PLEKHA7: variants seen among roughly 807,000 people sequenced by gnomAD.
The protein encoded by PLEKHA7 is pleckstrin homology domain containing A7.
In PLEKHA7, 104 loss-of-function variants were observed where a neutral mutation model predicts 170.0. The observed-to-expected ratio is 0.61, with a 90% CI of 0.52 to 0.72. PLEKHA7 has a LOEUF of 0.72. Ranked by LOEUF, PLEKHA7 falls within the 30% of genes least tolerant of loss-of-function variation. The pLI is 0.00. For synonymous variants in PLEKHA7, 648 were observed against 660.8 expected (o/e 0.98, Z 0.30); for missense variants, 1,615 against 1,671.7 (o/e 0.97, Z 0.59).
At chr11:16,878,789 C>A (rs528434131) in intron 3 of PLEKHA7, among the ~76,000 whole-genome samples, 6 of 152,256 alleles carry the variant, frequency 3.9e-5, no homozygotes, top group Non-Finnish European at 8.8e-5. Flanking sequence ...AACTAGCTAG[C>A]CCTACAGAAA....
In PLEKHA7 at chr11:16,782,883, G is replaced by A. The variant is rs1019194497; in HGVS notation, c.3664C>T (p.Gln1222Ter). 1 of 1,536,158 alleles carries A rather than the reference G, an allele frequency of 6.5e-7. No individual in the cohort carries two copies. Among genetic ancestry groups the A allele is most frequent in the South Asian group, 1.2e-5 (1 of 84,066 alleles). ...TTCTGGTCCTGGCCTGAGGTCGGCTGTAGGTTGCACATGCTGTAGGAGGGT... is the reference window on the plus strand; with the variant it reads ...TTCTGGTCCTGGCCTGAGGTCGGCTATAGGTTGCACATGCTGTAGGAGGGT... ...ILARSSMCNL[Q>*]PTSGQDQNSV... Residue 1222 changes from glutamine to a stop codon, truncating the protein, a stop_gained, in exon 26 of 27, where the codon CAG becomes TAG. Transcript: ENST00000531066. LOFTEE classifies it high-confidence loss of function.
chr11:16,807,644 T>C (rs2134510114), intron 13 of PLEKHA7, among the ~76,000 whole-genome samples: 1 of 152,316 alleles, frequency 6.6e-6, no homozygotes, highest in African/African-American at 2.4e-5. Context: ...GTGCCATGCA[T>C]TCATCTCACC....
chr11:16,932,195 T>C (rs1472776581), intron 3 of PLEKHA7, among the ~76,000 whole-genome samples: 1 of 152,098 alleles, frequency 6.6e-6, no homozygotes, highest in Non-Finnish European at 1.5e-5. Flanking sequence ...TCTGTAGTAT[T>C]ATTATGAAGA....
intron 21 of PLEKHA7, 73 bp downstream of exon 21, chr11:16,790,725 C>T (rs760583092): frequency 1.6e-5 from 24 of 1,457,764 alleles, no homozygotes; most frequent in Admixed American, 3.6e-5. Flanking sequence ...CAGAAGGGTA[C>T]GAGGCACCAG....
At chr11:16,983,309 A>G (rs1352708494) in intron 3 of PLEKHA7, among the ~76,000 whole-genome samples, 2 of 152,216 alleles carry the variant, frequency 1.3e-5, no homozygotes, top group African/African-American at 2.4e-5. Context: ...AAAGTCATTG[A>G]GCAGAAGCAG....
intron 4 of PLEKHA7, among the ~76,000 whole-genome samples, chr11:16,867,868 C>A (rs890345567): frequency 6.6e-6 from 1 of 152,226 alleles, no homozygotes; most frequent in Non-Finnish European, 1.5e-5. Context: ...AATCTTCCCT[C>A]TTCCTCCAGT....
chr11:16,817,401 C>T lies in PLEKHA7; in HGVS notation c.1344-79G>A. 1 of 1,414,674 alleles carries T rather than the reference C, an allele frequency of 7.1e-7. No individual in the cohort carries two copies. Among genetic ancestry groups the T allele is most frequent in the Non-Finnish European group, 9.5e-7 (1 of 1,051,124 alleles). The allele number at this position is 1,414,674 out of a possible 1,614,324, so 87.6% of individuals were successfully genotyped here. A position where few individuals can be genotyped will look rare whatever the true frequency, so the allele number is the denominator to read the frequency against. On this transcript the variant is annotated intron_variant, in intron 10 of 26. Coordinates refer to ENST00000531066, the MANE Select transcript of PLEKHA7 (RefSeq NM_001329630.2). The surrounding 1 kb of genome is among the most constrained non-coding windows in gnomAD (Gnocchi z 4.4). Reference sequence around the variant, plus strand: ...TTTGGGGAACATATCTAAGTAAACCCACAAAGCTGGGCATGTGGGACAGTC... The same window carrying T: ...TTTGGGGAACATATCTAAGTAAACCTACAAAGCTGGGCATGTGGGACAGTC...
rs530456533 is a variant in PLEKHA7, at chr11:16,906,279, G to A, written c.222-35097C>T. On this transcript the variant is annotated intron_variant, in intron 3 of 26. Transcript: ENST00000531066. Reference sequence around the variant, plus strand: ...GGAAGGAAGGAAGGAAGGAAGGAAGGAAAGAAAGAAAATTGGAAAGGCTCC... The same window carrying A: ...GGAAGGAAGGAAGGAAGGAAGGAAGAAAAGAAAGAAAATTGGAAAGGCTCC... Among the ~76,000 whole-genome samples, 88 of 109,426 alleles carry A rather than the reference G, an allele frequency of 8.0e-4. 1 individual carries two copies. Among genetic ancestry groups the A allele is most frequent in the South Asian group, 1.9e-3 (6 of 3,170 alleles). The allele number at this position is 109,426 out of a possible 152,430, so 71.8% of individuals were successfully genotyped here. A position where few individuals can be genotyped will look rare whatever the true frequency, so the allele number is the denominator to read the frequency against.
intron 8 of PLEKHA7, among the ~76,000 whole-genome samples, chr11:16,847,506 G>C (rs1042100737): frequency 6.6e-6 from 1 of 151,812 alleles, no homozygotes; most frequent in Non-Finnish European, 1.5e-5. Flanking sequence ...AATGTGGCTA[G>C]AGATATAAGC....
rs1309085086 is a variant in PLEKHA7, at chr11:16,786,941, G to A, written c.3358-554C>T. On this transcript the variant is annotated intron_variant, in intron 23 of 26. Coordinates refer to ENST00000531066, the MANE Select transcript of PLEKHA7 (RefSeq NM_001329630.2). ...AGCAAAAGCAGCTTGGAGCCAATGAGGCAGAAAAACTGCTGTATGAGACCC... is the reference window on the plus strand; with the variant it reads ...AGCAAAAGCAGCTTGGAGCCAATGAAGCAGAAAAACTGCTGTATGAGACCC... 8 of 985,210 alleles carry A rather than the reference G, an allele frequency of 8.1e-6. No homozygotes were observed. The Admixed American group carries it at 4.9e-4, about 61-fold the overall frequency. 61.0% of individuals were successfully genotyped at this position (985,210 alleles called of 1,614,324 possible). A position where few individuals can be genotyped will look rare whatever the true frequency, so the allele number is the denominator to read the frequency against.
At chr11:16,787,030 T>C in intron 23 of PLEKHA7, 2 of 985,306 alleles carry the variant, frequency 2.0e-6, no homozygotes, top group Non-Finnish European at 2.4e-6. Context: ...AAAATTGAAA[T>C]GCTAAATCAA....
At chr11:16,917,569 A>G (rs1858781109) in intron 3 of PLEKHA7, among the ~76,000 whole-genome samples, 1 of 152,202 alleles carries the variant, frequency 6.6e-6, no homozygotes, top group Non-Finnish European at 1.5e-5. Flanking sequence ...ACAATGCTCC[A>G]ACCTCTACTA....
intron 3 of PLEKHA7, among the ~76,000 whole-genome samples, chr11:16,939,676 G>A (rs1256185837): frequency 1.3e-5 from 2 of 152,192 alleles, no homozygotes; most frequent in African/African-American, 2.4e-5. Flanking sequence ...CACTCACAAA[G>A]TAAATCATTC....
intron 17 of PLEKHA7, among the ~76,000 whole-genome samples, chr11:16,799,376 T>C (rs1002175649): frequency 8.5e-5 from 13 of 152,106 alleles, no homozygotes; most frequent in Non-Finnish European, 1.8e-4. Context: ...CACCAATAGA[T>C]AGCACTGATG....
rs138754990 is a variant in PLEKHA7, at chr11:16,976,889, A to G, written c.221+37100T>C. Among the ~76,000 whole-genome samples, 910 of 152,306 alleles carry G rather than the reference A, an allele frequency of 6.0e-3. 7 individuals carry two copies. Among genetic ancestry groups the G allele is most frequent in the African/African-American group, 0.019 (810 of 41,550 alleles). On this transcript the variant is annotated intron_variant, in intron 3 of 26. Coordinates refer to ENST00000531066, the MANE Select transcript of PLEKHA7 (RefSeq NM_001329630.2). ...CTAGGCACTCAATAAATAATTGCTG[A>G]ATGGATGCATACACGTATGCTTGCA...
At position 16,805,519 on chromosome 11, in the gene PLEKHA7, C is replaced by T. The variant is rs189470235; in HGVS notation, c.2008-2224G>A. The stretch of plus-strand genomic sequence containing the variant: ...AAAGTGCTGCTTATCTTGCCAGGCA[C>T]GGTGGCTCACACCTGTAATCCCAGC... On this transcript the variant is annotated intron_variant, in intron 13 of 26. Coordinates refer to ENST00000531066, the MANE Select transcript of PLEKHA7 (RefSeq NM_001329630.2). 3.0e-4 allele frequency among the ~76,000 whole-genome samples: 46 copies of T among 152,096 alleles called. 1 individual carries two copies. In the East Asian group the frequency reaches 6.2e-3, roughly 20 times the overall value.
intron 10 of PLEKHA7, among the ~76,000 whole-genome samples, chr11:16,823,373 T>C (rs1590230054): frequency 6.6e-6 from 1 of 152,104 alleles, no homozygotes; most frequent in Non-Finnish European, 1.5e-5. Context: ...TCAAAATCTC[T>C]GGCGTTGGGC....
rs1565210272 is a variant in PLEKHA7, at chr11:17,014,205, C to CG, written c.87-5dup. The stretch of plus-strand genomic sequence containing the variant: ...GGTCGTGCAGCGGAGCTGGTCACTG[C>CG]GGGCAGAGAGGTGCACCTGTTAGCG... On this transcript the variant is annotated splice_region_variant and splice_polypyrimidine_tract_variant and intron_variant, in intron 1 of 26. Transcript: ENST00000531066. The CG allele has an allele frequency of 6.4e-7, 1 of 1,572,354 alleles. No individual in the cohort carries two copies. The highest frequency in any genetic ancestry group is 8.6e-7 in the Non-Finnish European group (1 of 1,162,956).
intron 3 of PLEKHA7, among the ~76,000 whole-genome samples, chr11:16,991,078 T>C (rs762109728): frequency 6.6e-6 from 1 of 152,046 alleles, no homozygotes; most frequent in Non-Finnish European, 1.5e-5. Context: ...AGGATGCCGG[T>C]GGTTCCCAAA....
Sources: gnomAD v4.1 joint callset for allele counts (sites outside exome capture counted in the v4.1 genomes callset) on GRCh38, gnomAD v4.1.1 for gene constraint, Gnocchi (gnomAD v3.1) non-coding constraint, MANE v1.5 for transcripts, NCBI Gene and HGNC (gene_info 2026-07-23, HGNC 2026-07-21) for gene names.